ELOVL6: variants seen among roughly 807,000 people sequenced by gnomAD.
The protein encoded by ELOVL6 is ELOVL fatty acid elongase 6, also known as very long chain fatty acid elongase 6.
A neutral mutation model predicts 31.7 loss-of-function variants in ELOVL6; 8 were observed. That is an observed-to-expected ratio of 0.25 (90% CI 0.15 to 0.45). The LOEUF is 0.45. ELOVL6 is among the 20% of genes least tolerant of loss of function. The pLI, the probability that ELOVL6 is intolerant of heterozygous loss-of-function variation, is 1.00. For synonymous variants in ELOVL6, 101 were observed against 117.7 expected (o/e 0.86, Z 0.92); for missense variants, 126 against 326.4 (o/e 0.39, Z 4.73).
At chr4:110,120,833 C>T (rs540330163) in intron 1 of ELOVL6, among the ~76,000 whole-genome samples, 3 of 141,178 alleles carry the variant, frequency 2.1e-5, no homozygotes, top group East Asian at 2.1e-4. Flanking sequence ...CAGAGTCTCG[C>T]TCTATCCCCC....
intron 2 of ELOVL6, among the ~76,000 whole-genome samples, chr4:110,063,905 C>T (rs1350310914): frequency 6.6e-6 from 1 of 151,588 alleles, no homozygotes; most frequent in African/African-American, 2.4e-5. Flanking sequence ...CGGTGAAACC[C>T]CATCTCTACT....
rs1326102910 is a variant in ELOVL6 at position 110,050,394 on chromosome 4, G to C, written c.*944C>G. The C allele has an allele frequency of 6.6e-6, 1 of 152,422 alleles. No homozygotes were observed. The highest frequency in any genetic ancestry group is 1.5e-5 in the Non-Finnish European group (1 of 68,044). The allele number at this position is 152,422 out of a possible 1,614,324, so 9.4% of individuals were successfully genotyped here. A position where few individuals can be genotyped will look rare whatever the true frequency, so the allele number is the denominator to read the frequency against. On this transcript the variant is annotated 3_prime_UTR_variant, in exon 4 of 4. Transcript: ENST00000302274. ...TCCCACTGCCTTTCTCCCTTTTCCAGCTCACAGTGGTCCTGGGCCGGGCCT... is the reference window on the plus strand; with the variant it reads ...TCCCACTGCCTTTCTCCCTTTTCCACCTCACAGTGGTCCTGGGCCGGGCCT...
intron 1 of ELOVL6, among the ~76,000 whole-genome samples, chr4:110,129,621 C>T (rs1757608863): frequency 6.6e-6 from 1 of 152,232 alleles, no homozygotes; most frequent in Non-Finnish European, 1.5e-5. Flanking sequence ...CTGCATGTCC[C>T]TTTGGAGTTT....
chr4:110,164,757 A>G (rs200355994), intron 1 of ELOVL6, among the ~76,000 whole-genome samples: 4,895 of 120,986 alleles, frequency 0.04, 184 homozygotes, highest in African/African-American at 0.14. Flanking sequence ...AAAAAAAAAG[A>G]AAAAAAAAAA....
At chr4:110,059,555 G>A (rs1560800939) in intron 3 of ELOVL6, 48 bp downstream of exon 3, 2 of 1,577,548 alleles carry the variant, frequency 1.3e-6, no homozygotes, top group Non-Finnish European at 1.7e-6. Context: ...AAATACTGTG[G>A]ATATGTTGCT....
In ELOVL6 at chr4:110,183,317, G is replaced by A. The variant is rs538950012; in HGVS notation, c.89+14930C>T. 4.2e-4 allele frequency among the ~76,000 whole-genome samples: 64 copies of A among 152,170 alleles called. 1 individual carries two copies. In the South Asian group the frequency reaches 0.013, roughly 32 times the overall value. On this transcript the variant is annotated intron_variant, in intron 1 of 3. Coordinates refer to ENST00000302274, the MANE Select transcript of ELOVL6 (RefSeq NM_024090.3). ...ACAAACTGCCAATCAGAAAATATTTGAACCCAGCTGTAAGCAACATCCCCT... is the reference window on the plus strand; with the variant it reads ...ACAAACTGCCAATCAGAAAATATTTAAACCCAGCTGTAAGCAACATCCCCT...
At chr4:110,067,957 G>C (rs1397854934) in intron 2 of ELOVL6, among the ~76,000 whole-genome samples, 2 of 152,098 alleles carry the variant, frequency 1.3e-5, no homozygotes, top group African/African-American at 2.4e-5. Flanking sequence ...TACCTTAAAA[G>C]TCTGAATGTT....
chr4:110,180,386 G>GTATT (rs1759236139), intron 1 of ELOVL6, among the ~76,000 whole-genome samples: 1 of 134,770 alleles, frequency 7.4e-6, no homozygotes, highest in African/African-American at 2.8e-5. Context: ...ATATATGTAT[G>GTATT]TATGTATTTA....
At chr4:110,056,857 A>G (rs1432143856) in intron 3 of ELOVL6, among the ~76,000 whole-genome samples, 1 of 152,182 alleles carries the variant, frequency 6.6e-6, no homozygotes, top group Non-Finnish European at 1.5e-5. Context: ...GTATTCAATT[A>G]CAATGTCCGC....
At chr4:110,082,696 T>C (rs1755903102) in intron 2 of ELOVL6, among the ~76,000 whole-genome samples, 1 of 152,078 alleles carries the variant, frequency 6.6e-6, no homozygotes, top group South Asian at 2.1e-4. Context: ...TATACATATG[T>C]AACAAACCTG....
At chr4:110,194,708 G>A (rs1759721635) in intron 1 of ELOVL6, among the ~76,000 whole-genome samples, 1 of 152,066 alleles carries the variant, frequency 6.6e-6, no homozygotes, top group Non-Finnish European at 1.5e-5. Context: ...ACATTAATTT[G>A]CGCTATGGTT....
chr4:110,067,438 A>C (rs1755337410), intron 2 of ELOVL6, among the ~76,000 whole-genome samples: 1 of 152,214 alleles, frequency 6.6e-6, no homozygotes, highest in Non-Finnish European at 1.5e-5. Flanking sequence ...AAACTGCCTG[A>C]GACTGGGTAA....
chr4:110,070,123 C>T (rs1434702369), intron 2 of ELOVL6, among the ~76,000 whole-genome samples: 3 of 152,198 alleles, frequency 2.0e-5, no homozygotes, highest in Admixed American at 6.5e-5. Context: ...GCCTTTTCTT[C>T]TTCACTCAAC....
At chr4:110,148,355 C>G (rs1190823973) in intron 1 of ELOVL6, among the ~76,000 whole-genome samples, 1 of 151,960 alleles carries the variant, frequency 6.6e-6, no homozygotes, top group African/African-American at 2.4e-5. Context: ...GGTCATTATG[C>G]TAAGTGAAAT....
At chr4:110,074,320 G>A (rs1755570498) in intron 2 of ELOVL6, among the ~76,000 whole-genome samples, 1 of 152,252 alleles carries the variant, frequency 6.6e-6, no homozygotes, top group East Asian at 1.9e-4. Flanking sequence ...AATTTGTATT[G>A]TTGTCTTTAT....
At chr4:110,169,244 T>TG (rs998305462) in intron 1 of ELOVL6, among the ~76,000 whole-genome samples, 9 of 135,402 alleles carry the variant, frequency 6.6e-5, no homozygotes, top group South Asian at 2.2e-4. Context: ...TTTTGTTTTG[T>TG]TTTTTTTTTT....
In ELOVL6 at chr4:110,066,281, C is replaced by T. The variant is rs114157130; in HGVS notation, c.222-6527G>A. On this transcript the variant is annotated intron_variant, in intron 2 of 3. Transcript: ENST00000302274. ...CAGGTTAAAACAAATTAATCTCAAACCCACTGTAATGCCTCTAGATTTGGG... is the reference window on the plus strand; with the variant it reads ...CAGGTTAAAACAAATTAATCTCAAATCCACTGTAATGCCTCTAGATTTGGG... Among the ~76,000 whole-genome samples the T allele has an allele frequency of 5.0e-3, 758 of 152,174 alleles. 5 individuals carry two copies. The highest frequency in any genetic ancestry group is 8.0e-3 in the Non-Finnish European group (546 of 68,004).
intron 1 of ELOVL6, among the ~76,000 whole-genome samples, chr4:110,130,510 C>A (rs1306062757): frequency 2.0e-5 from 3 of 152,072 alleles, no homozygotes; most frequent in Non-Finnish European, 4.4e-5. Context: ...GCTTGAATGA[C>A]CAAGTACTAA....
At chr4:110,174,524 A>AT (rs923017075) in intron 1 of ELOVL6, among the ~76,000 whole-genome samples, 12 of 152,218 alleles carry the variant, frequency 7.9e-5, no homozygotes, top group African/African-American at 2.9e-4. Context: ...TTGAACATAC[A>AT]TTTTTTAAAA....
Sources: allele counts gnomAD v4.1 joint callset (sites outside exome capture counted in the v4.1 genomes callset), GRCh38; gene constraint gnomAD v4.1.1; transcripts MANE v1.5; gene names NCBI Gene and HGNC (gene_info 2026-07-23, HGNC 2026-07-21).